DST: variants seen among roughly 807,000 people sequenced by gnomAD.
DST encodes the protein bullous pemphigoid antigen.
A neutral mutation model predicts 875.2 loss-of-function variants in DST; 253 were observed. The observed-to-expected ratio is 0.29, with a 90% confidence interval of 0.26 to 0.32. The LOEUF is 0.32. DST is among the 10% of genes least tolerant of loss of function. The probability of loss-of-function intolerance (pLI) is 1.00; values close to 1 mark genes in which losing one functional copy is unlikely to be tolerated. For missense variants in DST, 8,287 were observed against 9,111.6 expected (o/e 0.91, Z 3.68); for synonymous variants, 3,124 against 3,197.1 (o/e 0.98, Z 0.77).
At chr6:56,829,231 A>G (rs552809128) in intron 4 of DST, among the ~76,000 whole-genome samples, 2 of 152,352 alleles carry the variant, frequency 1.3e-5, no homozygotes, top group Non-Finnish European at 2.9e-5. Flanking sequence ...TGACCTAGAC[A>G]TGCAAGAACA....
chr6:56,855,778 T>C (rs1160473434), intron 3 of DST, among the ~76,000 whole-genome samples: 2 of 152,148 alleles, frequency 1.3e-5, no homozygotes, highest in Non-Finnish European at 2.9e-5. Flanking sequence ...CACCATCCCA[T>C]GGCAGGGTAC....
At chr6:56,513,942 G>A (rs2096537326) in intron 72 of DST, among the ~76,000 whole-genome samples, 1 of 152,118 alleles carries the variant, frequency 6.6e-6, no homozygotes, top group African/African-American at 2.4e-5. Flanking sequence ...CAAAATACAT[G>A]GAGAAGATGC....
At chr6:56,813,203 G>A (rs1353992097) in intron 4 of DST, among the ~76,000 whole-genome samples, 2 of 133,392 alleles carry the variant, frequency 1.5e-5, no homozygotes, top group African/African-American at 5.6e-5. Flanking sequence ...ATGGACACAG[G>A]AAGGGGAACA....
intron 5 of DST, among the ~76,000 whole-genome samples, chr6:56,733,651 C>T: frequency 6.6e-6 from 1 of 152,144 alleles, no homozygotes; most frequent in East Asian, 1.9e-4. Flanking sequence ...GCTTCTTCTG[C>T]TCCTCTGTTT....
At chr6:56,600,929 A>G (rs2098440288) in intron 44 of DST, among the ~76,000 whole-genome samples, 1 of 152,020 alleles carries the variant, frequency 6.6e-6, no homozygotes, top group African/African-American at 2.4e-5. Flanking sequence ...TCTTTTTATC[A>G]ATGCTCACAA....
intron 5 of DST, among the ~76,000 whole-genome samples, chr6:56,723,067 C>T (rs1006633266): frequency 9.2e-5 from 14 of 152,094 alleles, no homozygotes; most frequent in South Asian, 2.1e-4. Context: ...AAAAGAAAAA[C>T]GTGGTGAAGG....
intron 71 of DST, among the ~76,000 whole-genome samples, chr6:56,516,488 T>C (rs1175879948): frequency 6.6e-6 from 1 of 152,214 alleles, no homozygotes; most frequent in Non-Finnish European, 1.5e-5. Context: ...CATTACATTG[T>C]GCATCCTATT....
rs776754625 is a variant in DST, at chr6:56,610,546, T to C, written c.5164A>G (p.Arg1722Gly). Residue 1722 changes from arginine to glycine, a missense_variant, in exon 39 of 104, where the codon AGA becomes GGA. By Grantham distance (125) the Arg-to-Gly change is moderately radical. This residue lies in a region of DST where 3,138 missense variants were observed against 3,116.6 expected (regional missense o/e 1.01). Transcript: ENST00000680361. ...TTCACTTGTTTTTCCAATTCATTTC[T>C]TTCTTCATCTGTCATTCTAAATAAC... ...KHGDKMTDEE[R>G]NELEKQVKTL... The C allele has an allele frequency of 6.3e-7, 1 of 1,575,440 alleles. No individual in the cohort carries two copies. The highest frequency in any genetic ancestry group is 8.6e-7 in the Non-Finnish European group (1 of 1,161,902).
intron 36 of DST, chr6:56,614,966 C>A: frequency 1.0e-6 from 1 of 993,278 alleles, no homozygotes. Context: ...AGTGCGAAGA[C>A]TTAACTAGAA....
rs1480839036 is a variant in DST at position 56,594,189 on chromosome 6, T to C, written c.12200A>G (p.Gln4067Arg). Reference sequence around the variant, plus strand: ...GTGCTGAGAGATGATCTTCTCGTGTTGGGCCTATGTGAAAACAAATTGATC... The same window carrying C: ...GTGCTGAGAGATGATCTTCTCGTGTCGGGCCTATGTGAAAACAAATTGATC... ...LNQQYQKVKA[Q>R]HEKIISQHQA... The change falls in exon 48 of 104, where the codon CAA becomes CGA. Residue 4067 changes from glutamine to arginine, a missense_variant. Gln to Arg is a conservative substitution (Grantham distance 43). This residue lies in a region of DST where 1,513 missense variants were observed against 1,677.8 expected (regional missense o/e 0.90). Coordinates refer to ENST00000680361, the MANE Select transcript of DST (RefSeq NM_001374736.1). 6.6e-7 allele frequency: 1 copy of C among 1,514,584 alleles called. No individual in the cohort carries two copies. The highest frequency in any genetic ancestry group is 1.4e-5 in the African/African-American group (1 of 71,874). 93.8% of individuals were successfully genotyped at this position (1,514,584 alleles called of 1,614,324 possible). A position where few individuals can be genotyped will look rare whatever the true frequency, so the allele number is the denominator to read the frequency against.
chr6:56,752,311 T>A (rs1289314385), intron 4 of DST, among the ~76,000 whole-genome samples: 1 of 152,094 alleles, frequency 6.6e-6, no homozygotes, highest in Non-Finnish European at 1.5e-5. Context: ...GAGCTTGGCT[T>A]GATTTTATGC....
chr6:56,589,921 T>C (rs544572363), intron 49 of DST, among the ~76,000 whole-genome samples: 2 of 152,368 alleles, frequency 1.3e-5, no homozygotes, highest in South Asian at 2.1e-4. Flanking sequence ...GAAGATAGTA[T>C]GCTACATGTA....
intron 58 of DST, among the ~76,000 whole-genome samples, chr6:56,559,257 T>C (rs2152564303): frequency 6.6e-6 from 1 of 152,262 alleles, no homozygotes; most frequent in Middle Eastern, 3.4e-3. Flanking sequence ...ATATTCCTCA[T>C]TCCCACTCCT....
At chr6:56,537,874 T>G (rs1403060853) in intron 61 of DST, among the ~76,000 whole-genome samples, 1 of 152,236 alleles carries the variant, frequency 6.6e-6, no homozygotes, top group Non-Finnish European at 1.5e-5. Context: ...GCATGTAATA[T>G]TTGCCAATAT....
At chr6:56,680,766 G>A (rs548285979) in intron 9 of DST, among the ~76,000 whole-genome samples, 205 of 152,146 alleles carry the variant, frequency 1.3e-3, no homozygotes, top group African/African-American at 4.7e-3. Context: ...CTACCACAAT[G>A]GCTTTAACTG....
chr6:56,629,501 T>C (rs1209777964), intron 31 of DST, 58 bp from the exon 32 acceptor site: 5 of 1,253,568 alleles, frequency 4.0e-6, no homozygotes, highest in South Asian at 3.8e-5. Context: ...TGGGTAAATA[T>C]ATTATTTACC....
chr6:56,615,469 A>G, intron 36 of DST: 1 of 1,612,684 alleles, frequency 6.2e-7, no homozygotes. Flanking sequence ...AAAAAGTGGC[A>G]TGAACCAGCC....
intron 4 of DST, among the ~76,000 whole-genome samples, chr6:56,783,949 G>T (rs2099699788): frequency 5.9e-5 from 9 of 152,090 alleles, no homozygotes; most frequent in Admixed American, 5.9e-4. Flanking sequence ...GCATTTGCTT[G>T]TCTGTAAAGG....
At chr6:56,929,052 T>C (rs569741965) in intron 2 of DST, among the ~76,000 whole-genome samples, 2 of 152,230 alleles carry the variant, frequency 1.3e-5, no homozygotes, top group East Asian at 1.9e-4. Context: ...AATTCTAATA[T>C]TCACATAGGA....
Sources: gnomAD v4.1 joint callset for allele counts (sites outside exome capture counted in the v4.1 genomes callset) on GRCh38, gnomAD v4.1.1 for gene constraint, gnomAD v4.1.1 regional missense constraint, MANE v1.5 for transcripts, NCBI Gene and HGNC (gene_info 2026-07-23, HGNC 2026-07-21) for gene names.